The following AGBL4 variants were observed in gnomAD, a reference collection of about 807,000 sequenced individuals.
AGBL4 encodes the protein cytosolic carboxypeptidase 6.
AGBL4 carries 58 observed loss-of-function variants against 66.4 expected under a neutral mutation model. The ratio of observed to expected loss-of-function variants is 0.87; its 90% CI spans 0.71 to 1.09. The LOEUF (loss-of-function observed/expected upper bound fraction) is 1.09. Ranked by LOEUF, AGBL4 falls within the 50% of genes least tolerant of loss-of-function variation. The probability of loss-of-function intolerance (pLI) is 0.00; values close to 1 mark genes in which losing one functional copy is unlikely to be tolerated. For missense variants in AGBL4, 579 were observed against 631.0 expected, an observed-to-expected ratio of 0.92 and a Z score of 0.88; for synonymous variants, 234 against 222.9, an observed-to-expected ratio of 1.05 and a Z score of -0.44.
At chr1:49,817,982 AG>A (rs1645273493) in intron 2 of AGBL4, among the ~76,000 whole-genome samples, 1 of 152,200 alleles carries the variant, frequency 6.6e-6, no homozygotes, top group Admixed American at 6.6e-5. Flanking sequence ...CTGGGGTTAC[AG>A]AGAAGTTGTC....
chr1:49,685,729 T>G (rs977286590), intron 3 of AGBL4, among the ~76,000 whole-genome samples: 19 of 152,274 alleles, frequency 1.2e-4, no homozygotes, highest in African/African-American at 3.8e-4. Context: ...TCATCTTTGC[T>G]CATATTTTCA....
chr1:49,427,979 CACAGAGTGCTGATTGGTGCGTTTTT>C (rs1235457296), intron 3 of AGBL4, among the ~76,000 whole-genome samples: 4 of 151,946 alleles, frequency 2.6e-5, no homozygotes, highest in East Asian at 1.9e-4. Flanking sequence ...TTTAGCTACA[CACAGAGTGCTGATTGGTGCGTTTTT>C]ACAGAGTGCT....
At chr1:49,696,585 G>A (rs2124612881) in intron 3 of AGBL4, among the ~76,000 whole-genome samples, 1 of 152,000 alleles carries the variant, frequency 6.6e-6, no homozygotes, top group Non-Finnish European at 1.5e-5. Context: ...ATGTATACAA[G>A]ATGTATATGA....
At chr1:49,883,279 C>G (rs1020165829) in intron 1 of AGBL4, among the ~76,000 whole-genome samples, 6 of 151,990 alleles carry the variant, frequency 3.9e-5, no homozygotes, top group Non-Finnish European at 8.8e-5. Context: ...TTCTATTTGC[C>G]TGGATATATG....
rs915456221 is a variant in AGBL4 at position 49,523,984 on chromosome 1, C to T, written c.282+173329G>A. On this transcript the variant is annotated intron_variant, in intron 3 of 13. Transcript: ENST00000371839. Reference sequence around the variant, plus strand: ...TCATCATCATCATCATCATCATCATCATCATGAAGACAGCACTAACAATTT... The same window carrying T: ...TCATCATCATCATCATCATCATCATTATCATGAAGACAGCACTAACAATTT... Among the ~76,000 whole-genome samples, 5 of 151,974 alleles carry T rather than the reference C, an allele frequency of 3.3e-5. 1 individual carries two copies. Among genetic ancestry groups the T allele is most frequent in the Admixed American group, 1.3e-4 (2 of 15,270 alleles).
chr1:48,986,799 A>G (rs1410313546), intron 5 of AGBL4, among the ~76,000 whole-genome samples: 3 of 152,072 alleles, frequency 2.0e-5, no homozygotes, highest in Admixed American at 2.0e-4. Flanking sequence ...TAACTTCAAA[A>G]GATTTTACTA....
chr1:49,520,124 G>A (rs1205988320), intron 3 of AGBL4, among the ~76,000 whole-genome samples: 2 of 151,952 alleles, frequency 1.3e-5, no homozygotes, highest in Admixed American at 1.3e-4. Context: ...ATCTACTAGT[G>A]TCTCACTCTT....
At chr1:49,991,356 T>C (rs1659927805) in intron 1 of AGBL4, among the ~76,000 whole-genome samples, 1 of 152,178 alleles carries the variant, frequency 6.6e-6, no homozygotes, top group Admixed American at 6.5e-5. Flanking sequence ...TATTTCAATA[T>C]ATGTATAAAT....
At chr1:49,990,181 C>A (rs1224277853) in intron 1 of AGBL4, among the ~76,000 whole-genome samples, 1 of 152,198 alleles carries the variant, frequency 6.6e-6, no homozygotes. Context: ...TAAGTACCAA[C>A]ATTAATTGTA....
chr1:49,848,590 T>C (rs1051237244), intron 2 of AGBL4, among the ~76,000 whole-genome samples: 22 of 152,306 alleles, frequency 1.4e-4, no homozygotes, highest in African/African-American at 5.3e-4. Flanking sequence ...TGTTCTCATT[T>C]ATAAGTGAGA....
At chr1:49,516,475 A>G (rs2148793854) in intron 3 of AGBL4, among the ~76,000 whole-genome samples, 1 of 152,178 alleles carries the variant, frequency 6.6e-6, no homozygotes, top group Non-Finnish European at 1.5e-5. Flanking sequence ...GAGGAAAGAA[A>G]CATCATTGCA....
chr1:49,801,738 C>T (rs564070603), intron 2 of AGBL4, among the ~76,000 whole-genome samples: 2 of 152,254 alleles, frequency 1.3e-5, no homozygotes, highest in South Asian at 4.1e-4. Flanking sequence ...ATATACATTA[C>T]CATACTAAGC....
chr1:49,462,216 T>G (rs891806078), intron 3 of AGBL4, among the ~76,000 whole-genome samples: 6 of 151,842 alleles, frequency 4.0e-5, no homozygotes, highest in African/African-American at 1.4e-4. Context: ...ACTTCTTTAT[T>G]CATCTTTGTA....
intron 2 of AGBL4, among the ~76,000 whole-genome samples, chr1:49,707,069 C>T (rs757925081): frequency 1.6e-4 from 24 of 151,930 alleles, no homozygotes; most frequent in Non-Finnish European, 3.1e-4. Flanking sequence ...TCTGCTTGGT[C>T]CACAGCTGAG....
At chr1:49,499,477 C>T (rs1015564369) in intron 3 of AGBL4, among the ~76,000 whole-genome samples, 6 of 151,744 alleles carry the variant, frequency 4.0e-5, no homozygotes, top group East Asian at 3.9e-4. Context: ...AAGAAGTGTA[C>T]GTGGCACCCA....
chr1:49,931,649 G>C (rs1653375645), intron 1 of AGBL4, among the ~76,000 whole-genome samples: 1 of 152,104 alleles, frequency 6.6e-6, no homozygotes, highest in Non-Finnish European at 1.5e-5. Flanking sequence ...TGAGATTTGG[G>C]TGAGGAAACA....
chr1:48,892,323 T>G (rs986981356), intron 5 of AGBL4, among the ~76,000 whole-genome samples: 1 of 152,256 alleles, frequency 6.6e-6, no homozygotes, highest in African/African-American at 2.4e-5. Flanking sequence ...TAATCACATC[T>G]TCACTTGATT....
chr1:49,055,727 AAT>A (rs767560794), intron 4 of AGBL4, among the ~76,000 whole-genome samples: 55 of 152,250 alleles, frequency 3.6e-4, no homozygotes, highest in African/African-American at 8.2e-4. Context: ...TAAGAAAATA[AAT>A]ATGTTTTTAA....
At chr1:49,105,065 A>C (rs1204434398) in intron 4 of AGBL4, among the ~76,000 whole-genome samples, 1 of 152,226 alleles carries the variant, frequency 6.6e-6, no homozygotes, top group Non-Finnish European at 1.5e-5. Flanking sequence ...GGAATGCATT[A>C]TACCAGACTC....
Sources: allele counts gnomAD v4.1 joint callset (sites outside exome capture counted in the v4.1 genomes callset), GRCh38; gene constraint gnomAD v4.1.1; transcripts MANE v1.5; gene names NCBI Gene and HGNC (gene_info 2026-07-23, HGNC 2026-07-21).